The following MAP3K4 variants were observed in gnomAD, a reference collection of about 807,000 sequenced individuals.
MAP3K4 encodes the protein MAP three kinase 1.
A neutral mutation model predicts 185.6 loss-of-function variants in MAP3K4; 67 were observed. The ratio of observed to expected loss-of-function variants is 0.36; its 90% confidence interval spans 0.30 to 0.44. MAP3K4 has a LOEUF of 0.44. MAP3K4 is among the 20% of genes least tolerant of loss of function. The pLI is 1.00. For synonymous variants in MAP3K4, 702 were observed against 710.4 expected (o/e 0.99, Z 0.19); for missense variants, 1,551 against 1,995.1 (o/e 0.78, Z 4.24).
chr6:161,091,327 A>G lies in MAP3K4; in HGVS notation c.2974-52A>G, dbSNP rs569900113. On this transcript the variant is annotated intron_variant, in intron 11 of 26. Coordinates refer to ENST00000392142, the MANE Select transcript of MAP3K4 (RefSeq NM_005922.4). The surrounding 1 kb of genome is among the most constrained non-coding windows in gnomAD (Gnocchi z 5.5). ...CGAAATCTTCCTTTAAAATGTGGTA[A>G]GTATTGTATGATTTGCTTCATTTTG... 2 of 1,450,800 alleles carry G rather than the reference A, an allele frequency of 1.4e-6. No homozygotes were observed. The highest frequency in any genetic ancestry group is 2.4e-5 in the East Asian group (1 of 40,852). 89.9% of individuals were successfully genotyped at this position (1,450,800 alleles called of 1,614,324 possible). A position where few individuals can be genotyped will look rare whatever the true frequency, so the allele number is the denominator to read the frequency against.
At chr6:161,004,827 T>C (rs1403083963) in intron 1 of MAP3K4, among the ~76,000 whole-genome samples, 1 of 152,234 alleles carries the variant, frequency 6.6e-6, no homozygotes, top group East Asian at 1.9e-4. Flanking sequence ...CCATAGGTTT[T>C]CATAGTAAAA....
chr6:161,098,093 A>G lies in MAP3K4; in HGVS notation c.3525-185A>G, dbSNP rs191606000. 4 of 699,750 alleles carry G rather than the reference A, an allele frequency of 5.7e-6. No individual in the cohort carries two copies. The highest frequency in any genetic ancestry group is 5.7e-5 in the Admixed American group (2 of 35,268). 43.3% of individuals were successfully genotyped at this position (699,750 alleles called of 1,614,324 possible). On this transcript the variant is annotated intron_variant, in intron 16 of 26. Coordinates refer to ENST00000392142, the MANE Select transcript of MAP3K4 (RefSeq NM_005922.4). This position sits in a 1 kb window ranked among gnomAD's most constrained non-coding sequence, Gnocchi z 4.4. ...CAGGGTGCGATGCTGTCTCAAAAAA[A>G]AGAAAAGCTTTGAAGTTAGGTTTTT...
intron 2 of MAP3K4, among the ~76,000 whole-genome samples, chr6:161,035,481 G>A (rs181297387): frequency 3.3e-5 from 5 of 152,266 alleles, no homozygotes; most frequent in South Asian, 2.1e-4. Context: ...AGAGAAGTGG[G>A]TTTTGTTGTG....
Position 161,084,352 on chromosome 6 carries a change from G to C in MAP3K4, c.2256-149G>C, listed in dbSNP as rs1459755378. The C allele has an allele frequency of 3.1e-5, 17 of 552,036 alleles. No homozygotes were observed. Among genetic ancestry groups the C allele is most frequent in the African/African-American group, 7.5e-5 (4 of 53,254 alleles). The allele number at this position is 552,036 out of a possible 1,614,324, so 34.2% of individuals were successfully genotyped here. On this transcript the variant is annotated intron_variant, in intron 6 of 26. Coordinates refer to ENST00000392142, the MANE Select transcript of MAP3K4 (RefSeq NM_005922.4). The surrounding 1 kb of genome is among the most constrained non-coding windows in gnomAD (Gnocchi z 4.6). ...CAGATTCCTATTTTTCCACGTCCAG[G>C]GTTTTATATTAAAAGAAGAGAAATT... is the stretch of plus-strand genomic sequence containing the variant.
rs1442223766 is a variant in MAP3K4, at chr6:161,037,870, C to A, written c.343+3421C>A. 6.6e-6 allele frequency among the ~76,000 whole-genome samples: 1 copy of A among 152,180 alleles called. No homozygotes were observed. Among genetic ancestry groups the A allele is most frequent in the Non-Finnish European group, 1.5e-5 (1 of 68,034 alleles). ...CTTAGATTAAATGATTGTCTCAAGTCGTGTAGCTACTGTTCCTGCTTCTGT... is the reference window on the plus strand; with the variant it reads ...CTTAGATTAAATGATTGTCTCAAGTAGTGTAGCTACTGTTCCTGCTTCTGT... On this transcript the variant is annotated intron_variant, in intron 2 of 26. Transcript: ENST00000392142. The surrounding 1 kb of genome is among the most constrained non-coding windows in gnomAD (Gnocchi z 4.2).
intron 1 of MAP3K4, among the ~76,000 whole-genome samples, chr6:161,031,050 T>C (rs1256781463): frequency 2.0e-5 from 3 of 152,240 alleles, no homozygotes; most frequent in African/African-American, 7.2e-5. Flanking sequence ...CTTATTTTAA[T>C]ATTTTGTTTA....
intron 1 of MAP3K4, among the ~76,000 whole-genome samples, chr6:161,002,019 C>T (rs553907994): frequency 2.7e-5 from 4 of 149,028 alleles, no homozygotes; most frequent in African/African-American, 5.0e-5. Context: ...TCCCCCCCAA[C>T]GTCTGCAGAA....
chr6:161,027,601 C>T (rs913379382), intron 1 of MAP3K4, among the ~76,000 whole-genome samples: 1 of 152,066 alleles, frequency 6.6e-6, no homozygotes, highest in Non-Finnish European at 1.5e-5. Context: ...ATCTGATAAG[C>T]CAGAGAGTTG....
chr6:161,103,172 T>C lies in MAP3K4; in HGVS notation c.3856+393T>C, dbSNP rs1190133892. Among the ~76,000 whole-genome samples the C allele has an allele frequency of 6.6e-6, 1 of 152,186 alleles. No individual in the cohort carries two copies. Among genetic ancestry groups the C allele is most frequent in the Non-Finnish European group, 1.5e-5 (1 of 68,028 alleles). ...AAAAGAACAAATAGCAGAAAAATCA[T>C]TGGTCTAGTATTTAATGATCTATAA... is the stretch of plus-strand genomic sequence containing the variant. On this transcript the variant is annotated intron_variant, in intron 19 of 26. Coordinates refer to ENST00000392142, the MANE Select transcript of MAP3K4 (RefSeq NM_005922.4). The surrounding 1 kb of genome is among the most constrained non-coding windows in gnomAD (Gnocchi z 4.6).
In MAP3K4 at chr6:161,112,003, C is replaced by G. The variant is rs756013330; in HGVS notation, c.4519+45C>G. ...TTCTTTGCACTCTGACTTCATGCAG[C>G]CTGCTTGGGGCCTGCATGTTCCCTT... is the stretch of plus-strand genomic sequence containing the variant. On this transcript the variant is annotated intron_variant, in intron 24 of 26. Coordinates refer to ENST00000392142, the MANE Select transcript of MAP3K4 (RefSeq NM_005922.4). This position sits in a 1 kb window ranked among gnomAD's most constrained non-coding sequence, Gnocchi z 5.1. 1.2e-6 allele frequency: 2 copies of G among 1,606,490 alleles called. No homozygotes were observed. Among genetic ancestry groups the G allele is most frequent in the Non-Finnish European group, 1.7e-6 (2 of 1,175,942 alleles).
chr6:161,014,749 T>A (rs973207695), intron 1 of MAP3K4, among the ~76,000 whole-genome samples: 1 of 152,226 alleles, frequency 6.6e-6, no homozygotes, highest in Non-Finnish European at 1.5e-5. Context: ...TTTAGATAGC[T>A]TTGTTGAGAT....
intron 3 of MAP3K4, among the ~76,000 whole-genome samples, chr6:161,050,318 G>T (rs1783944058): frequency 6.6e-6 from 1 of 152,176 alleles, no homozygotes; most frequent in Non-Finnish European, 1.5e-5. Context: ...CAGGAAAAAA[G>T]TCCACGTCAC....
At position 161,022,289 on chromosome 6, in the gene MAP3K4, T is replaced by C. The variant is rs1251672507; in HGVS notation, c.153-11970T>C. The C allele has an allele frequency of 6.6e-6, 1 of 152,230 alleles. No individual in the cohort carries two copies. The highest frequency in any genetic ancestry group is 1.5e-5 in the Non-Finnish European group (1 of 68,042). 9.4% of individuals were successfully genotyped at this position (152,230 alleles called of 1,614,324 possible). On this transcript the variant is annotated intron_variant, in intron 1 of 26. Transcript: ENST00000392142. The surrounding 1 kb of genome is among the most constrained non-coding windows in gnomAD (Gnocchi z 4.2). ...TCAGTTAGACCTTTTATTTGACATATACAGATAAATAAACCAGGCAGAATC... is the reference window on the plus strand; with the variant it reads ...TCAGTTAGACCTTTTATTTGACATACACAGATAAATAAACCAGGCAGAATC...
rs11458275 is a variant in MAP3K4 at position 161,097,781 on chromosome 6, G to GTTTTTTTTTT, written c.3525-496_3525-487dup. On this transcript the variant is annotated intron_variant, in intron 16 of 26. Coordinates refer to ENST00000392142, the MANE Select transcript of MAP3K4 (RefSeq NM_005922.4). The surrounding 1 kb of genome is among the most constrained non-coding windows in gnomAD (Gnocchi z 4.9). The stretch of plus-strand genomic sequence containing the variant: ...TGCTAGATAAGGACCACAGTTTTTT[G>GTTTTTTTTTT]TTTTTTTTTTAAAGCTTTGAGGGGA... 6.7e-6 allele frequency among the ~76,000 whole-genome samples: 1 copy of GTTTTTTTTTT among 150,028 alleles called. No individual in the cohort carries two copies.
At position 161,104,533 on chromosome 6, in the gene MAP3K4, G is replaced by A. The variant is rs1043213245; in HGVS notation, c.3856+1754G>A. Among the ~76,000 whole-genome samples, 5 of 151,944 alleles carry A rather than the reference G, an allele frequency of 3.3e-5. No individual in the cohort carries two copies. The East Asian group carries it at 9.7e-4, about 29-fold the overall frequency. ...TCGAAACCATCCTGGCCAATGTGGT[G>A]AAACCCTGTCTTTACTGAGAATACA... On this transcript the variant is annotated intron_variant, in intron 19 of 26. Coordinates refer to ENST00000392142, the MANE Select transcript of MAP3K4 (RefSeq NM_005922.4).
Position 161,084,358 on chromosome 6 carries a change from A to T in MAP3K4, c.2256-143A>T. 8.8e-6 allele frequency: 5 copies of T among 569,222 alleles called. No individual in the cohort carries two copies. The highest frequency in any genetic ancestry group is 6.8e-5 in the South Asian group (3 of 43,882). 35.3% of individuals were successfully genotyped at this position (569,222 alleles called of 1,614,324 possible). ...CCTATTTTTCCACGTCCAGGGTTTTATATTAAAAGAAGAGAAATTTTTCAT... is the reference window on the plus strand; with the variant it reads ...CCTATTTTTCCACGTCCAGGGTTTTTTATTAAAAGAAGAGAAATTTTTCAT... On this transcript the variant is annotated intron_variant, in intron 6 of 26. Transcript: ENST00000392142. The surrounding 1 kb of genome is among the most constrained non-coding windows in gnomAD (Gnocchi z 4.6).
rs1785114052 is a variant in MAP3K4 at position 161,075,189 on chromosome 6, C to G, written c.2097+1577C>G. ...TTCTTTTTTGAGATAGAGTTTTGCT[C>G]TGTCACCTAGACTGAAACGCAGTGG... On this transcript the variant is annotated intron_variant, in intron 5 of 26. Transcript: ENST00000392142. The surrounding 1 kb of genome is among the most constrained non-coding windows in gnomAD (Gnocchi z 4.3). 6.6e-6 allele frequency among the ~76,000 whole-genome samples: 1 copy of G among 152,216 alleles called. No individual in the cohort carries two copies. Among genetic ancestry groups the G allele is most frequent in the Admixed American group, 6.5e-5 (1 of 15,280 alleles).
At chr6:161,012,693 T>G (rs530098627) in intron 1 of MAP3K4, among the ~76,000 whole-genome samples, 15 of 152,306 alleles carry the variant, frequency 9.8e-5, no homozygotes, top group Non-Finnish European at 2.2e-4. Context: ...ATTTTATATG[T>G]TGTTTCCTTA....
chr6:161,062,019 T>A (rs1280499105), intron 3 of MAP3K4, among the ~76,000 whole-genome samples: 1 of 152,244 alleles, frequency 6.6e-6, no homozygotes, highest in East Asian at 1.9e-4. Flanking sequence ...TGTTTTATAC[T>A]TCTGTTTTTT....
Sources: allele counts gnomAD v4.1 joint callset (sites outside exome capture counted in the v4.1 genomes callset), GRCh38; gene constraint gnomAD v4.1.1; non-coding constraint Gnocchi (gnomAD v3.1); transcripts MANE v1.5; gene names NCBI Gene and HGNC (gene_info 2026-07-23, HGNC 2026-07-21).